The following CACNA1A variants were observed in gnomAD, a reference collection of about 807,000 sequenced individuals.
CACNA1A encodes the protein calcium voltage-gated channel subunit alpha1 A.
Under a neutral mutation model 262.4 loss-of-function variants are expected in CACNA1A, and 57 were observed. That is an observed-to-expected ratio of 0.22 (90% CI 0.18 to 0.27). CACNA1A has a LOEUF of 0.27. Among genes scored for constraint, CACNA1A ranks in the 10% least tolerant of loss-of-function variants. The pLI is 1.00. For synonymous variants in CACNA1A, 1,431 were observed against 1,419.3 expected (o/e 1.01, Z -0.18); for missense variants, 2,526 against 3,562.8 (o/e 0.71, Z 7.41).
chr19:13,242,845 G>A (rs934706771), intron 31 of CACNA1A, among the ~76,000 whole-genome samples: 2 of 152,192 alleles, frequency 1.3e-5, no homozygotes, highest in African/African-American at 4.8e-5. Flanking sequence ...CATGAGAAGA[G>A]ATAGCGCAAG....
At chr19:13,423,197 G>T (rs188501212) in intron 3 of CACNA1A, among the ~76,000 whole-genome samples, 20 of 152,324 alleles carry the variant, frequency 1.3e-4, no homozygotes, top group African/African-American at 4.6e-4. Flanking sequence ...GACTTTAGGG[G>T]ATTTGGAGAT....
chr19:13,285,223 C>A lies in CACNA1A; in HGVS notation c.3554-17G>T, dbSNP rs760276440. The A allele has an allele frequency of 9.9e-6, 16 of 1,613,250 alleles. No homozygotes were observed. The highest frequency in any genetic ancestry group is 1.4e-5 in the Non-Finnish European group (16 of 1,179,484). ...TTTTGTTCACTGTTGGGACAAGAAC[C>A]AACACAGGGCTCCCTCCACAATTTC... is the stretch of plus-strand genomic sequence containing the variant. On this transcript the variant is annotated splice_polypyrimidine_tract_variant and intron_variant, in intron 20 of 46. Transcript: ENST00000360228.
At chr19:13,505,580 T>A (rs917620877) in intron 1 of CACNA1A, among the ~76,000 whole-genome samples, 6 of 151,800 alleles carry the variant, frequency 4.0e-5, no homozygotes, top group Admixed American at 2.0e-4. Context: ...CCAAGCTCAC[T>A]CCGTAGAACT....
intron 34 of CACNA1A, among the ~76,000 whole-genome samples, chr19:13,232,375 AT>A (rs1016380592): frequency 2.7e-5 from 4 of 149,544 alleles, no homozygotes; most frequent in East Asian, 2.0e-4. Flanking sequence ...TTTTTAAACT[AT>A]TTTTTTTTGT....
chr19:13,490,473 C>T (rs1018561864), intron 1 of CACNA1A, among the ~76,000 whole-genome samples: 8 of 151,984 alleles, frequency 5.3e-5, no homozygotes, highest in African/African-American at 1.2e-4. Flanking sequence ...TGTGGTGGCG[C>T]GTGCCTGTAG....
At chr19:13,344,736 T>A (rs199636577) in intron 6 of CACNA1A, among the ~76,000 whole-genome samples, 26 of 136,302 alleles carry the variant, frequency 1.9e-4, no homozygotes, top group African/African-American at 7.2e-4. Flanking sequence ...GGATCATTTA[T>A]TTTATTTATT....
At chr19:13,490,213 A>G (rs1980588761) in intron 1 of CACNA1A, among the ~76,000 whole-genome samples, 3 of 152,224 alleles carry the variant, frequency 2.0e-5, no homozygotes, top group African/African-American at 7.2e-5. Context: ...TAATCCTTGC[A>G]ACATTCCTGC....
intron 3 of CACNA1A, among the ~76,000 whole-genome samples, chr19:13,434,156 GTTGTTA>G (rs1402797715): frequency 2.6e-5 from 4 of 152,244 alleles, no homozygotes; most frequent in Non-Finnish European, 5.9e-5. Flanking sequence ...CACTATTGTT[GTTGTTA>G]TTATTATTTT....
rs547329827 is a variant in CACNA1A at position 13,336,594 on chromosome 19, GGAGA to G, written c.979-689_979-686del. On this transcript the variant is annotated intron_variant, in intron 6 of 46. Coordinates refer to ENST00000360228, the MANE Select transcript of CACNA1A (RefSeq NM_001127222.2). ...GAGAAAGAGAGACAGAGAGAGAGAG[GGAGA>G]GAGAGAGAGAGAGAGAGAGAGAGAG... is the stretch of plus-strand genomic sequence containing the variant. Among the ~76,000 whole-genome samples the G allele has an allele frequency of 7.2e-3, 471 of 65,468 alleles. 3 individuals carry two copies. Among genetic ancestry groups the G allele is most frequent in the Middle Eastern group, 0.023 (2 of 88 alleles). 42.9% of individuals were successfully genotyped at this position (65,468 alleles called of 152,430 possible).
intron 23 of CACNA1A, among the ~76,000 whole-genome samples, chr19:13,276,296 C>A (rs559679373): frequency 1.3e-5 from 2 of 152,328 alleles, no homozygotes; most frequent in African/African-American, 4.8e-5. Flanking sequence ...AATCTGTCCA[C>A]TTCTCACCTC....
chr19:13,322,617 A>G (rs2058278079), intron 10 of CACNA1A, among the ~76,000 whole-genome samples: 2 of 150,078 alleles, frequency 1.3e-5, no homozygotes, highest in African/African-American at 2.5e-5. Context: ...TTCTTGTAAG[A>G]TGGAGTCTCA....
intron 38 of CACNA1A, among the ~76,000 whole-genome samples, chr19:13,223,658 A>C (rs2055321751): frequency 6.6e-6 from 1 of 152,132 alleles, no homozygotes; most frequent in African/African-American, 2.4e-5. Flanking sequence ...GCCCTCACTC[A>C]GAAGGTGAGT....
chr19:13,453,503 A>C (rs2060953153), intron 2 of CACNA1A, among the ~76,000 whole-genome samples: 1 of 152,212 alleles, frequency 6.6e-6, no homozygotes. Context: ...GCAGCGTTCA[A>C]GGTATTTGAG....
chr19:13,273,981 C>T (rs897225223), intron 24 of CACNA1A: 1 of 151,570 alleles, frequency 6.6e-6, no homozygotes, highest in Admixed American at 6.6e-5. Context: ...CTCCTGGGCT[C>T]AAGCAATCTG....
At chr19:13,295,233 C>G (rs1422377638) in intron 19 of CACNA1A, among the ~76,000 whole-genome samples, 1 of 152,144 alleles carries the variant, frequency 6.6e-6, no homozygotes, top group Non-Finnish European at 1.5e-5. Context: ...AAAGAATGAC[C>G]TAGAACAATG....
chr19:13,330,173 G>A (rs984923493), intron 10 of CACNA1A, 71 bp downstream of exon 10: 175 of 1,117,506 alleles, frequency 1.6e-4, no homozygotes, highest in Non-Finnish European at 2.2e-4. Context: ...CAAGCCCTCT[G>A]CCCCCACCCC....
At position 13,323,279 on chromosome 19, in the gene CACNA1A, AAAAC is replaced by A. The variant is rs570449419; in HGVS notation, c.1346-5962_1346-5959del. ...CTCTCAAAAACAAAACAAAAAACAAAAAACAAACAAACAAACAAAAAGATAATAG... is the reference window on the plus strand; with the variant it reads ...CTCTCAAAAACAAAACAAAAAACAAAAAACAAACAAACAAAAAGATAATAG... On this transcript the variant is annotated intron_variant, in intron 10 of 46. Coordinates refer to ENST00000360228, the MANE Select transcript of CACNA1A (RefSeq NM_001127222.2). Among the ~76,000 whole-genome samples the A allele has an allele frequency of 8.8e-3, 1,338 of 151,802 alleles. 24 individuals carry two copies. The highest frequency in any genetic ancestry group is 0.029 in the African/African-American group (1,197 of 41,480).
chr19:13,439,121 T>C (rs892216482), intron 3 of CACNA1A, among the ~76,000 whole-genome samples: 1 of 151,572 alleles, frequency 6.6e-6, no homozygotes, highest in African/African-American at 2.4e-5. Flanking sequence ...TTTTTTTTTT[T>C]TTTTTGAGAT....
intron 3 of CACNA1A, among the ~76,000 whole-genome samples, chr19:13,373,299 AG>A (rs2059354868): frequency 6.6e-6 from 1 of 152,224 alleles, no homozygotes; most frequent in Non-Finnish European, 1.5e-5. Context: ...CTGGGATTAC[AG>A]GTGGGAACCA....
Sources: allele counts gnomAD v4.1 joint callset (sites outside exome capture counted in the v4.1 genomes callset), GRCh38; gene constraint gnomAD v4.1.1; transcripts MANE v1.5; gene names NCBI Gene and HGNC (gene_info 2026-07-23, HGNC 2026-07-21).